Variants in FMN1 observed in about 807,000 individuals in gnomAD.
The protein encoded by FMN1 is formin-1.
A neutral mutation model predicts 132.4 loss-of-function variants in FMN1; 110 were observed. That is an observed-to-expected ratio of 0.83 (90% CI 0.71 to 0.97). The LOEUF (loss-of-function observed/expected upper bound fraction) is 0.97, where lower values mean the gene tolerates loss of function less well. Ranked by LOEUF, FMN1 falls within the 50% of genes least tolerant of loss-of-function variation. The pLI is 0.00. For missense variants in FMN1, 1,792 were observed against 1,705.3 expected, an observed-to-expected ratio of 1.05 and a Z score of -0.90; for synonymous variants, 722 against 651.7, an observed-to-expected ratio of 1.11 and a Z score of -1.64.
chr15:33,126,035 G>C (rs974546596), intron 4 of FMN1, among the ~76,000 whole-genome samples: 3 of 152,060 alleles, frequency 2.0e-5, no homozygotes, highest in African/African-American at 7.3e-5. Flanking sequence ...CAAACTCACA[G>C]TGCAGTTGTG....
rs2031583751 is a variant in FMN1, at chr15:32,969,413, T to C, written c.2288A>G (p.Glu763Gly). 1 of 1,613,984 alleles carries C rather than the reference T, an allele frequency of 6.2e-7. No individual in the cohort carries two copies. The change falls in exon 8 of 21, where the codon GAA becomes GGA. Residue 763 changes from glutamate to glycine, a missense_variant. Physicochemically the swap from Glu to Gly is moderately conservative, Grantham distance 98. This residue lies in a region of FMN1 where 1,150 missense variants were observed against 1,043.1 expected (regional missense o/e 1.10). Coordinates refer to ENST00000616417, the MANE Select transcript of FMN1 (RefSeq NM_001277313.2). Reference sequence around the variant, plus strand: ...GTGTTTCAGATTTTCAATGGTTTCTTCTAGTCTCGCTGTTATCATTGCATG... The same window carrying C: ...GTGTTTCAGATTTTCAATGGTTTCTCCTAGTCTCGCTGTTATCATTGCATG... ...GEHAMITARLEETIENLKHEL... is the reference protein window; with the variant it reads ...GEHAMITARLGETIENLKHEL...
chr15:33,000,157 C>T (rs937564425), intron 7 of FMN1, among the ~76,000 whole-genome samples: 2 of 152,080 alleles, frequency 1.3e-5, no homozygotes, highest in Admixed American at 6.5e-5. Context: ...AGGTTAAAAA[C>T]GGGAGGCAGT....
At chr15:32,785,600 T>C (rs559743931) in intron 19 of FMN1, among the ~76,000 whole-genome samples, 10 of 152,218 alleles carry the variant, frequency 6.6e-5, no homozygotes, top group Middle Eastern at 6.8e-3. Flanking sequence ...GTACAGAAAA[T>C]ACAATCTGGT....
chr15:33,113,378 C>T (rs986917630), intron 4 of FMN1, among the ~76,000 whole-genome samples: 2 of 151,132 alleles, frequency 1.3e-5, no homozygotes, highest in Non-Finnish European at 2.9e-5. Flanking sequence ...TTATTTTTTT[C>T]AATTAATAGT....
At chr15:33,175,286 G>A (rs528913506) in intron 3 of FMN1, among the ~76,000 whole-genome samples, 1 of 152,238 alleles carries the variant, frequency 6.6e-6, no homozygotes, top group Non-Finnish European at 1.5e-5. Context: ...CCAGGCTGGG[G>A]TCAAATTCCT....
intron 3 of FMN1, among the ~76,000 whole-genome samples, chr15:33,172,076 C>A (rs1466913588): frequency 6.6e-6 from 1 of 151,984 alleles, no homozygotes; most frequent in Non-Finnish European, 1.5e-5. Context: ...GGCGTGGTGG[C>A]GGGCGCCTGT....
chr15:33,019,246 C>G (rs1276583385), intron 6 of FMN1, among the ~76,000 whole-genome samples: 1 of 152,174 alleles, frequency 6.6e-6, no homozygotes, highest in African/African-American at 2.4e-5. Flanking sequence ...ACTAGATTAG[C>G]TAGATACAGA....
At chr15:33,026,438 A>ACACACT (rs2035678869) in intron 6 of FMN1, among the ~76,000 whole-genome samples, 1 of 151,584 alleles carries the variant, frequency 6.6e-6, no homozygotes, top group South Asian at 2.1e-4. Flanking sequence ...ACACACACAC[A>ACACACT]CTTCTGTTTA....
At chr15:33,029,771 C>A (rs1342829127) in intron 6 of FMN1, among the ~76,000 whole-genome samples, 2 of 151,904 alleles carry the variant, frequency 1.3e-5, no homozygotes, top group African/African-American at 4.8e-5. Context: ...TGGAGTTAAG[C>A]CCCTGAGGAA....
At chr15:32,891,279 G>A (rs1211718798) in intron 15 of FMN1, among the ~76,000 whole-genome samples, 3 of 152,118 alleles carry the variant, frequency 2.0e-5, no homozygotes, top group Non-Finnish European at 4.4e-5. Context: ...ACGGAGTCTC[G>A]CTCTGTCGCC....
chr15:32,891,214 C>T (rs750974899), intron 15 of FMN1, among the ~76,000 whole-genome samples: 55 of 152,230 alleles, frequency 3.6e-4, no homozygotes, highest in African/African-American at 1.2e-3. Flanking sequence ...TCTTGGCTCC[C>T]GCCACGTGGG....
chr15:33,037,748 G>A (rs1424088264), intron 6 of FMN1, among the ~76,000 whole-genome samples: 2 of 152,128 alleles, frequency 1.3e-5, no homozygotes, highest in Non-Finnish European at 2.9e-5. Flanking sequence ...AGGTGATTCG[G>A]ATACAGTATT....
chr15:32,966,541 GTAGT>G (rs2031249648), intron 8 of FMN1, among the ~76,000 whole-genome samples: 2 of 152,092 alleles, frequency 1.3e-5, no homozygotes, highest in Non-Finnish European at 2.9e-5. Context: ...AGCTGAAAAG[GTAGT>G]TAGATGAGGA....
In FMN1 at chr15:32,803,696, C is replaced by G. The variant is rs1312019121; in HGVS notation, c.3980+585G>C. On this transcript the variant is annotated intron_variant, in intron 18 of 20. Transcript: ENST00000616417. ...AGCTGAGGAAAGACATAATAAGTCT[C>G]TTGGGTGTCTGCAATAATTAGTTTG... is the stretch of plus-strand genomic sequence containing the variant. Among the ~76,000 whole-genome samples the G allele has an allele frequency of 3.3e-5, 5 of 152,254 alleles. No individual in the cohort carries two copies. In the East Asian group the frequency reaches 5.8e-4, roughly 18 times the overall value.
chr15:32,837,484 C>T (rs2141193624), intron 17 of FMN1, among the ~76,000 whole-genome samples: 1 of 152,238 alleles, frequency 6.6e-6, no homozygotes, highest in Non-Finnish European at 1.5e-5. Flanking sequence ...AGGTTCTATG[C>T]ACCTCAGCAA....
chr15:32,798,971 GA>G lies in FMN1; in HGVS notation c.3981-19del, dbSNP rs34536890. ...TTTCAAAACTGCAACAGGTAGGGGG[GA>G]AAATGGAATGAGGTAGAGGTGAGAA... is the stretch of plus-strand genomic sequence containing the variant. On this transcript the variant is annotated intron_variant, in intron 18 of 20. Transcript: ENST00000616417. 8 of 1,611,214 alleles carry G rather than the reference GA, an allele frequency of 5.0e-6. No homozygotes were observed. In the East Asian group the frequency reaches 6.7e-5, roughly 13 times the overall value.
At chr15:33,050,393 A>AT (rs57035093) in intron 6 of FMN1, among the ~76,000 whole-genome samples, 7,153 of 150,440 alleles carry the variant, frequency 0.048, 265 homozygotes, top group African/African-American at 0.11. Context: ...TGATAAAAGG[A>AT]TTTTTTTTTT....
In FMN1 at chr15:32,774,068, G is replaced by GA. The variant is rs1157291268; in HGVS notation, c.*241dup. ...TAGAGTGGACTTTGGGCTTCCACAA[G>GA]AAACAGTCATCAAATATTTCTGCAA... On this transcript the variant is annotated 3_prime_UTR_variant, in exon 21 of 21. Transcript: ENST00000616417. 2.0e-6 allele frequency: 1 copy of GA among 503,676 alleles called. No homozygotes were observed. The highest frequency in any genetic ancestry group is 2.0e-5 in the African/African-American group (1 of 49,060). 31.2% of individuals were successfully genotyped at this position (503,676 alleles called of 1,614,324 possible).
intron 16 of FMN1, among the ~76,000 whole-genome samples, chr15:32,865,893 A>C (rs1034061244): frequency 6.6e-6 from 1 of 152,000 alleles, no homozygotes; most frequent in South Asian, 2.1e-4. Context: ...AACTGAACTC[A>C]ATAATAGAAA....
Sources: allele counts gnomAD v4.1 joint callset (sites outside exome capture counted in the v4.1 genomes callset), GRCh38; gene constraint gnomAD v4.1.1; regional missense constraint gnomAD v4.1.1; transcripts MANE v1.5; gene names NCBI Gene and HGNC (gene_info 2026-07-23, HGNC 2026-07-21).